C4orf50: variants seen among roughly 807,000 people sequenced by gnomAD.
C4orf50 encodes uncharacterized protein C4orf50.
In C4orf50, 80 loss-of-function variants were observed where a neutral mutation model predicts 77.2. The observed-to-expected ratio is 1.04, with a 90% CI of 0.87 to 1.25. The LOEUF (loss-of-function observed/expected upper bound fraction) is 1.25. Among genes scored for constraint, C4orf50 ranks in the 50% most tolerant of loss-of-function variants. The pLI, the probability that C4orf50 is intolerant of heterozygous loss-of-function variation, is 0.00. For missense variants in C4orf50, 1,257 were observed against 1,152.9 expected, an observed-to-expected ratio of 1.09 and a Z score of -1.31; for synonymous variants, 532 against 465.3, an observed-to-expected ratio of 1.14 and a Z score of -1.84.
chr4:5,933,515 C>T (rs1408028103), intron 7 of C4orf50, among the ~76,000 whole-genome samples: 1 of 152,232 alleles, frequency 6.6e-6, no homozygotes. Flanking sequence ...ACACCAGACT[C>T]CACGCCAGTT....
intron 25 of C4orf50, among the ~76,000 whole-genome samples, chr4:6,004,664 T>C (rs202239842): frequency 9.0e-6 from 1 of 110,962 alleles, no homozygotes; most frequent in African/African-American, 3.4e-5. Context: ...GGTGATGATG[T>C]GATGGTGATG....
At position 5,914,687 on chromosome 4, in the gene C4orf50, T is replaced by C. The variant is rs114650507; in HGVS notation, c.*2475-16499A>G. Reference sequence around the variant, plus strand: ...GAAATGTGTGCGATGGTGCTTCTCATTTTTCGTTTGTTAGAAATACTTAGA... The same window carrying C: ...GAAATGTGTGCGATGGTGCTTCTCACTTTTCGTTTGTTAGAAATACTTAGA... On this transcript the variant is annotated intron_variant, in intron 7 of 7. Transcript: ENST00000324058. Among the ~76,000 whole-genome samples, 1,126 of 152,334 alleles carry C rather than the reference T, an allele frequency of 7.4e-3. 10 individuals carry two copies. Among genetic ancestry groups the C allele is most frequent in the African/African-American group, 0.026 (1,069 of 41,578 alleles).
Position 5,919,986 on chromosome 4 carries a change from T to C in C4orf50, c.*2475-21798A>G, listed in dbSNP as rs1350036450. On this transcript the variant is annotated intron_variant, in intron 7 of 7. Transcript: ENST00000324058. The surrounding 1 kb of genome is among the most constrained non-coding windows in gnomAD (Gnocchi z 6.5). ...TCATCATTCCCTCAACAACACAGTA[T>C]GACAACTACTTATAGAGCATTTACA... Among the ~76,000 whole-genome samples the C allele has an allele frequency of 4.6e-5, 7 of 152,220 alleles. No homozygotes were observed. The highest frequency in any genetic ancestry group is 4.6e-4 in the Admixed American group (7 of 15,284).
At chr4:5,993,177 CCA>C (rs1250727377) in intron 26 of C4orf50, among the ~76,000 whole-genome samples, 3 of 152,162 alleles carry the variant, frequency 2.0e-5, no homozygotes, top group African/African-American at 7.2e-5. Flanking sequence ...CCTCTGCGGC[CCA>C]CAGACTCCTG....
chr4:5,982,981 T>C (rs1312401733), intron 28 of C4orf50, among the ~76,000 whole-genome samples: 2 of 152,068 alleles, frequency 1.3e-5, no homozygotes, highest in Non-Finnish European at 1.5e-5. Context: ...CTGCTCACTG[T>C]AGGAAATTTG....
Position 5,988,805 on chromosome 4 carries a change from TG to T in C4orf50, c.3240del (p.Asp1080GlufsTer2). 6.5e-7 allele frequency: 1 copy of T among 1,536,118 alleles called. No individual in the cohort carries two copies. Among genetic ancestry groups the T allele is most frequent in the Non-Finnish European group, 8.7e-7 (1 of 1,146,898 alleles). On this transcript the variant is annotated frameshift_variant, in exon 28 of 34. Coordinates refer to ENST00000531445, the Ensembl canonical transcript of C4orf50. LOFTEE classifies it high-confidence loss of function. ...TTCTCCCCACTTAAGGCCCGGATCATGTCTTCTATTCCTAGCACGATATCCT... is the reference window on the plus strand; with the variant it reads ...TTCTCCCCACTTAAGGCCCGGATCATTCTTCTATTCCTAGCACGATATCCT...
rs529042737 is a variant in C4orf50 at position 5,963,640 on chromosome 4, A to T, written c.4275+1384T>A. ...ACAGGAAAGAATCCATGGGGATAAA[A>T]GAAGGGAGAAAAATTACAATCAGCT... On this transcript the variant is annotated intron_variant, in intron 33 of 33. Coordinates refer to ENST00000531445, the Ensembl canonical transcript of C4orf50. Among the ~76,000 whole-genome samples the T allele has an allele frequency of 3.3e-5, 5 of 152,326 alleles. No individual in the cohort carries two copies. The South Asian group carries it at 1.0e-3, about 32-fold the overall frequency.
At chr4:5,917,471 T>A (rs1361226025) in intron 7 of C4orf50, among the ~76,000 whole-genome samples, 2 of 136,880 alleles carry the variant, frequency 1.5e-5, no homozygotes, top group South Asian at 2.5e-4. Flanking sequence ...TAGAGTGCAA[T>A]GGCACGATCT....
At position 6,007,526 on chromosome 4, in the gene C4orf50, A is replaced by T. The variant is rs1180049190; in HGVS notation, c.963+470T>A. 6.6e-6 allele frequency among the ~76,000 whole-genome samples: 1 copy of T among 152,176 alleles called. No homozygotes were observed. Among genetic ancestry groups the T allele is most frequent in the Non-Finnish European group, 1.5e-5 (1 of 68,036 alleles). On this transcript the variant is annotated intron_variant, in intron 25 of 33. Transcript: ENST00000531445. This position sits in a 1 kb window ranked among gnomAD's most constrained non-coding sequence, Gnocchi z 4.1. The stretch of plus-strand genomic sequence containing the variant: ...CCTCCAGCCTCCAAAAGTGTGAAAA[A>T]TAAGTTTCTGTTATTTATAAGCCAC...
Position 6,007,236 on chromosome 4 carries a change from C to G in C4orf50, c.963+760G>C, listed in dbSNP as rs940887766. Reference sequence around the variant, plus strand: ...CAAGTGGGTGGGTGAGTGCTGGGGTCTGAATGGCTGTGTTCCCCACCACCA... The same window carrying G: ...CAAGTGGGTGGGTGAGTGCTGGGGTGTGAATGGCTGTGTTCCCCACCACCA... On this transcript the variant is annotated intron_variant, in intron 25 of 33. Transcript: ENST00000531445. This position sits in a 1 kb window ranked among gnomAD's most constrained non-coding sequence, Gnocchi z 4.1. Among the ~76,000 whole-genome samples, 2 of 152,092 alleles carry G rather than the reference C, an allele frequency of 1.3e-5. No homozygotes were observed. Among genetic ancestry groups the G allele is most frequent in the Non-Finnish European group, 2.9e-5 (2 of 68,012 alleles).
At chr4:5,907,905 G>A (rs1336065991) in intron 7 of C4orf50, among the ~76,000 whole-genome samples, 1 of 152,192 alleles carries the variant, frequency 6.6e-6, no homozygotes, top group Non-Finnish European at 1.5e-5. Context: ...ATGAGAAGGT[G>A]CCATGAGGCA....
intron 7 of C4orf50, among the ~76,000 whole-genome samples, chr4:5,929,935 A>G (rs1168734574): frequency 3.9e-5 from 6 of 152,220 alleles, no homozygotes; most frequent in Non-Finnish European, 1.5e-5. Flanking sequence ...ATTGGGCTCT[A>G]CTAGAGATGC....
chr4:5,979,924 C>T (rs920037402), intron 29 of C4orf50, among the ~76,000 whole-genome samples: 1 of 152,186 alleles, frequency 6.6e-6, no homozygotes, highest in Non-Finnish European at 1.5e-5. Flanking sequence ...TTATATGACA[C>T]TGTAAGCCTG....
downstream of C4orf50, chr4:5,956,849 G>C (rs902982231): frequency 6.6e-6 from 1 of 152,330 alleles, no homozygotes; most frequent in Non-Finnish European, 1.5e-5. Context: ...GTCATTCCCT[G>C]CCTGTGGGGC....
At position 6,015,110 on chromosome 4, in the gene C4orf50, C is replaced by G. The variant is rs760420565; in HGVS notation, c.287+3035G>C. 9.2e-5 allele frequency among the ~76,000 whole-genome samples: 14 copies of G among 152,330 alleles called. No individual in the cohort carries two copies. The highest frequency in any genetic ancestry group is 3.4e-3 in the Middle Eastern group (1 of 294). On this transcript the variant is annotated intron_variant, in intron 23 of 33. Coordinates refer to ENST00000531445, the Ensembl canonical transcript of C4orf50. The surrounding 1 kb of genome is among the most constrained non-coding windows in gnomAD (Gnocchi z 4.4). Reference sequence around the variant, plus strand: ...GCTAGTCTCTCAGCCCAGGGCCCTGCCTTCCCCAACTCTCAGCACCCAGGA... The same window carrying G: ...GCTAGTCTCTCAGCCCAGGGCCCTGGCTTCCCCAACTCTCAGCACCCAGGA...
Position 5,919,189 on chromosome 4 carries a change from C to A in C4orf50, c.*2475-21001G>T, listed in dbSNP as rs1371177059. The stretch of plus-strand genomic sequence containing the variant: ...CGCAGGACTCCTCTCTCATTCAGGG[C>A]CCCTGGCTGTGCCATTTCCGGAGCT... On this transcript the variant is annotated intron_variant, in intron 7 of 7. Transcript: ENST00000324058. The surrounding 1 kb of genome is among the most constrained non-coding windows in gnomAD (Gnocchi z 6.5). 6.6e-6 allele frequency among the ~76,000 whole-genome samples: 1 copy of A among 152,156 alleles called. No homozygotes were observed. The highest frequency in any genetic ancestry group is 1.5e-5 in the Non-Finnish European group (1 of 68,020).
chr4:5,989,807 C>T (rs961300403), exon 28 of C4orf50: 37 of 1,505,270 alleles, frequency 2.5e-5, no homozygotes, highest in Non-Finnish European at 2.7e-5. Context: ...TCAGGCTCCT[C>T]GGGGGCACCC....
At chr4:5,999,157 AAC>A (rs996195089) in intron 25 of C4orf50, among the ~76,000 whole-genome samples, 1 of 152,222 alleles carries the variant, frequency 6.6e-6, no homozygotes, top group South Asian at 2.1e-4. Flanking sequence ...AAGCAAAGGA[AAC>A]ACACTTTTAT....
intron 28 of C4orf50, among the ~76,000 whole-genome samples, chr4:5,985,152 T>G (rs1720792208): frequency 6.6e-6 from 1 of 151,848 alleles, no homozygotes; most frequent in South Asian, 2.1e-4. Context: ...GAAAAAAAAT[T>G]TAATGAAGGT....
Sources: allele counts gnomAD v4.1 joint callset (sites outside exome capture counted in the v4.1 genomes callset), GRCh38; gene constraint gnomAD v4.1.1; non-coding constraint Gnocchi (gnomAD v3.1); transcripts MANE v1.5; gene names NCBI Gene and HGNC (gene_info 2026-07-23, HGNC 2026-07-21).